Variants in MRPL37 observed in about 807,000 individuals in gnomAD.
MRPL37 encodes the protein mitochondrial ribosomal protein L37, also known as large ribosomal subunit protein mL37.
MRPL37 carries 34 observed loss-of-function variants against 44.1 expected under a neutral mutation model. That is an observed-to-expected ratio of 0.77 (90% CI 0.59 to 1.03). The LOEUF (loss-of-function observed/expected upper bound fraction) is 1.03. MRPL37 is among the 50% of genes least tolerant of loss of function. MRPL37 has a pLI of 0.00. For missense variants in MRPL37, 532 were observed against 543.7 expected (o/e 0.98, Z 0.21); for synonymous variants, 212 against 219.5 (o/e 0.97, Z 0.30).
At chr1:54,223,945 C>A (rs1217662307), downstream of MRPL37, among the ~76,000 whole-genome samples, 1 of 152,206 alleles carries the variant, frequency 6.6e-6, no homozygotes, top group African/African-American at 2.4e-5. Context: ...GCACCAGGGC[C>A]ATTTGTGTTG....
chr1:54,221,197 T>G (rs1321158256), downstream of MRPL37, among the ~76,000 whole-genome samples: 1 of 152,150 alleles, frequency 6.6e-6, no homozygotes, highest in Non-Finnish European at 1.5e-5. Context: ...GACCTCACTT[T>G]AGGCTGCTCT....
chr1:54,202,436 A>G lies in MRPL37; in HGVS notation c.346+1847A>G, dbSNP rs145046335. On this transcript the variant is annotated intron_variant, in intron 1 of 6. Transcript: ENST00000360840. ...GAAATTGCCTGAGGGTGTCTCCCCC[A>G]AAGTATCTTAAGCTCCCTTCCATCC... Among the ~76,000 whole-genome samples, 25 of 152,236 alleles carry G rather than the reference A, an allele frequency of 1.6e-4. No homozygotes were observed. In the South Asian group the frequency reaches 1.9e-3, roughly 11 times the overall value.
chr1:54,211,649 C>T (rs1438159448), intron 4 of MRPL37, among the ~76,000 whole-genome samples: 1 of 152,142 alleles, frequency 6.6e-6, no homozygotes, highest in Non-Finnish European at 1.5e-5. Flanking sequence ...TGTGCTACCA[C>T]ACCTGGCTAA....
At chr1:54,216,764 C>T (rs1159913642) in intron 6 of MRPL37, among the ~76,000 whole-genome samples, 1 of 152,146 alleles carries the variant, frequency 6.6e-6, no homozygotes, top group Non-Finnish European at 1.5e-5. Context: ...CCGTCCCCAT[C>T]CCAACCCTCA....
At chr1:54,214,872 CACTT>C (rs1265172414) in intron 5 of MRPL37, among the ~76,000 whole-genome samples, 1 of 152,246 alleles carries the variant, frequency 6.6e-6, no homozygotes, top group African/African-American at 2.4e-5. Context: ...TCTCGGCTAA[CACTT>C]ACAGGTACTT....
At chr1:54,224,644 T>TCCCA (rs796479489), downstream of MRPL37, among the ~76,000 whole-genome samples, 30 of 151,596 alleles carry the variant, frequency 2.0e-4, no homozygotes, top group African/African-American at 6.8e-4. Flanking sequence ...ACCCTCTGTC[T>TCCCA]CCCACCCACC....
chr1:54,218,071 G>C, intron 6 of MRPL37, 101 bp from the exon 7 acceptor site: 1 of 1,066,420 alleles, frequency 9.4e-7, no homozygotes, highest in South Asian at 1.3e-5. Context: ...GAAAAAGAAA[G>C]TTACTGTCCA....
At chr1:54,225,309 G>A (rs1291392748), downstream of MRPL37, 10 of 1,233,894 alleles carry the variant, frequency 8.1e-6, no homozygotes, top group African/African-American at 1.6e-5. Context: ...GAAGGCAGAC[G>A]CCTCAAACAC....
At chr1:54,223,459 G>C (rs927760774), downstream of MRPL37, among the ~76,000 whole-genome samples, 6 of 152,216 alleles carry the variant, frequency 3.9e-5, no homozygotes, top group African/African-American at 1.4e-4. Flanking sequence ...CAGGTCACCA[G>C]GGAGCCAGAC....
chr1:54,204,053 G>A (rs1644103971), intron 1 of MRPL37, among the ~76,000 whole-genome samples: 1 of 152,084 alleles, frequency 6.6e-6, no homozygotes, highest in South Asian at 2.1e-4. Context: ...CTGGTATACA[G>A]AAAAATATTT....
chr1:54,217,911 A>G (rs1644208944), intron 6 of MRPL37, among the ~76,000 whole-genome samples: 1 of 152,140 alleles, frequency 6.6e-6, no homozygotes, highest in Non-Finnish European at 1.5e-5. Flanking sequence ...GCCCATTTCA[A>G]CCATCATTCC....
Position 54,200,512 on chromosome 1 carries a change from C to T in MRPL37, c.269C>T (p.Ser90Leu). 1.2e-6 allele frequency: 2 copies of T among 1,614,160 alleles called. No individual in the cohort carries two copies. The highest frequency in any genetic ancestry group is 1.7e-6 in the Non-Finnish European group (2 of 1,180,002). The change falls in exon 1 of 7, where the codon TCG (serine) becomes TTG (leucine). Residue 90 changes from serine to leucine, a missense_variant. Ser to Leu is a moderately radical substitution (Grantham distance 145, BLOSUM62 -2). Transcript: ENST00000360840. Reference protein sequence around the residue: ...RGYKDPRFYRSPPLHEHPLYK... With the variant: ...RGYKDPRFYRLPPLHEHPLYK... ...TACAAGGACCCAAGGTTCTACCGCT[C>T]GCCCCCTCTTCACGAGCATCCGCTG...
chr1:54,207,287 A>G (rs1239069535), intron 3 of MRPL37: 1 of 152,332 alleles, frequency 6.6e-6, no homozygotes, highest in Non-Finnish European at 1.5e-5. Context: ...CACAGTGTCT[A>G]ACAGTTCATG....
At chr1:54,224,866 C>T (rs549049436), downstream of MRPL37, among the ~76,000 whole-genome samples, 1 of 152,132 alleles carries the variant, frequency 6.6e-6, no homozygotes, top group African/African-American at 2.4e-5. Flanking sequence ...CACCAGCATA[C>T]ACTTTCCAAA....
In MRPL37 at chr1:54,200,503, T is replaced by G. The variant is rs781415689; in HGVS notation, c.260T>G (p.Phe87Cys). ...GACCGCGGCTACAAGGACCCAAGGTTCTACCGCTCGCCCCCTCTTCACGAG... is the reference window on the plus strand; with the variant it reads ...GACCGCGGCTACAAGGACCCAAGGTGCTACCGCTCGCCCCCTCTTCACGAG... ...PWDRGYKDPR[F>C]YRSPPLHEHP... Residue 87 changes from phenylalanine to cysteine, a missense_variant, in exon 1 of 7, where the codon TTC becomes TGC. Phe to Cys is a radical substitution (Grantham distance 205). Transcript: ENST00000360840. 1.9e-6 allele frequency: 3 copies of G among 1,614,164 alleles called. No individual in the cohort carries two copies. The highest frequency in any genetic ancestry group is 2.5e-6 in the Non-Finnish European group (3 of 1,180,014).
chr1:54,212,074 A>G (rs184358521), intron 4 of MRPL37, among the ~76,000 whole-genome samples: 1 of 152,348 alleles, frequency 6.6e-6, no homozygotes, highest in East Asian at 1.9e-4. Flanking sequence ...ACAGATTTCA[A>G]GTTCTCCTTC....
intron 5 of MRPL37, among the ~76,000 whole-genome samples, chr1:54,213,700 C>T (rs188765710): frequency 1.7e-3 from 257 of 152,338 alleles, no homozygotes; most frequent in Non-Finnish European, 2.2e-3. Flanking sequence ...TGGGGCCCAG[C>T]GATCAGCGTT....
chr1:54,223,178 A>C (rs985828877), downstream of MRPL37, among the ~76,000 whole-genome samples: 14 of 151,788 alleles, frequency 9.2e-5, no homozygotes, highest in Non-Finnish European at 1.9e-4. Flanking sequence ...CCCAGCCCCA[A>C]CTCCAAGCCC....
At chr1:54,223,746 A>T (rs1333009164), downstream of MRPL37, among the ~76,000 whole-genome samples, 1 of 152,156 alleles carries the variant, frequency 6.6e-6, no homozygotes, top group Non-Finnish European at 1.5e-5. Flanking sequence ...GGCACCTCTC[A>T]GTGATGGGCC....
Sources: gnomAD v4.1 joint callset for allele counts (sites outside exome capture counted in the v4.1 genomes callset) on GRCh38, gnomAD v4.1.1 for gene constraint, MANE v1.5 for transcripts, NCBI Gene and HGNC (gene_info 2026-07-23, HGNC 2026-07-21) for gene names.